Variants in AGBL1 observed in about 807,000 individuals in gnomAD.
AGBL1 encodes the protein AGBL carboxypeptidase 1.
Under a neutral mutation model 118.9 loss-of-function variants are expected in AGBL1, and 130 were observed. The ratio of observed to expected loss-of-function variants is 1.09; its 90% CI spans 0.95 to 1.26. AGBL1 has a LOEUF of 1.26. Among genes scored for constraint, AGBL1 ranks in the 50% most tolerant of loss-of-function variants. The pLI, the probability that AGBL1 is intolerant of heterozygous loss-of-function variation, is 0.00. For synonymous variants in AGBL1, 555 were observed against 478.9 expected, an observed-to-expected ratio of 1.16 and a Z score of -2.08; for missense variants, 1,584 against 1,298.1, an observed-to-expected ratio of 1.22 and a Z score of -3.38.
chr15:86,226,874 A>G (rs1182442139), intron 6 of AGBL1, among the ~76,000 whole-genome samples: 1 of 152,182 alleles, frequency 6.6e-6, no homozygotes, highest in African/African-American at 2.4e-5. Flanking sequence ...ACTTGATTAC[A>G]TTGTGATGAA....
chr15:86,566,931 A>G (rs996280296), intron 21 of AGBL1, among the ~76,000 whole-genome samples: 58 of 152,220 alleles, frequency 3.8e-4, no homozygotes, highest in African/African-American at 1.2e-3. Context: ...CCTGACTTTT[A>G]TGAGCTTTAG....
At chr15:86,874,063 C>T (rs557274115) in intron 22 of AGBL1, among the ~76,000 whole-genome samples, 8 of 152,202 alleles carry the variant, frequency 5.3e-5, no homozygotes, top group Non-Finnish European at 1.2e-4. Context: ...AACCACCTGA[C>T]ACATATGAGG....
At chr15:86,739,120 T>G (rs1274493714) in intron 22 of AGBL1, among the ~76,000 whole-genome samples, 1 of 152,126 alleles carries the variant, frequency 6.6e-6, no homozygotes, top group East Asian at 1.9e-4. Context: ...CATTCCAGTC[T>G]GGGTGACAGA....
chr15:86,318,325 A>G (rs545848083), intron 17 of AGBL1, among the ~76,000 whole-genome samples: 165 of 152,284 alleles, frequency 1.1e-3, no homozygotes, highest in East Asian at 2.9e-3. Flanking sequence ...CCCAGGTCTC[A>G]TTATCCTTCT....
chr15:86,247,947 G>C, intron 7 of AGBL1, 68 bp downstream of exon 7: 1 of 1,553,978 alleles, frequency 6.4e-7, no homozygotes, highest in African/African-American at 1.4e-5. Context: ...CTGTCATTTA[G>C]GAATCATCCC....
chr15:86,991,930 T>C (rs568464576), intron 24 of AGBL1, among the ~76,000 whole-genome samples: 3 of 152,302 alleles, frequency 2.0e-5, no homozygotes, highest in Admixed American at 1.3e-4. Flanking sequence ...ATCTTCCCTA[T>C]ACCAGGTACA....
At chr15:86,505,263 G>A (rs563908257) in intron 18 of AGBL1, among the ~76,000 whole-genome samples, 93 of 151,964 alleles carry the variant, frequency 6.1e-4, no homozygotes, top group African/African-American at 2.2e-3. Context: ...AGTTTGATGA[G>A]ATTTTTGGAT....
At chr15:86,405,198 G>T (rs1567239764) in intron 18 of AGBL1, among the ~76,000 whole-genome samples, 1 of 152,156 alleles carries the variant, frequency 6.6e-6, no homozygotes, top group Non-Finnish European at 1.5e-5. Flanking sequence ...TTTCAGCTAT[G>T]CTACTGGGCT....
intron 1 of AGBL1, among the ~76,000 whole-genome samples, chr15:86,098,353 T>C (rs1190464161): frequency 6.6e-6 from 1 of 152,222 alleles, no homozygotes; most frequent in Admixed American, 6.5e-5. Flanking sequence ...TTGTTGCCTG[T>C]GCTTTTGAGG....
At chr15:86,145,871 G>A (rs2077026773) in intron 3 of AGBL1, among the ~76,000 whole-genome samples, 1 of 152,204 alleles carries the variant, frequency 6.6e-6, no homozygotes, top group Non-Finnish European at 1.5e-5. Flanking sequence ...AGACTATGAT[G>A]AGGGCTGTAA....
At chr15:86,655,037 G>T (rs2085440616) in intron 21 of AGBL1, among the ~76,000 whole-genome samples, 3 of 152,118 alleles carry the variant, frequency 2.0e-5, no homozygotes, top group South Asian at 4.1e-4. Flanking sequence ...CTCACAGCTT[G>T]CCAGAAAAGG....
At chr15:86,799,252 T>A (rs905065723) in intron 22 of AGBL1, among the ~76,000 whole-genome samples, 13 of 152,188 alleles carry the variant, frequency 8.5e-5, no homozygotes, top group African/African-American at 3.1e-4. Context: ...TATGTATACA[T>A]GTGCCATGCT....
intron 18 of AGBL1, among the ~76,000 whole-genome samples, chr15:86,514,162 AT>A (rs1277344489): frequency 3.6e-5 from 5 of 140,206 alleles, no homozygotes; most frequent in African/African-American, 1.1e-4. Context: ...ACACACACAC[AT>A]ACACATCTAT....
downstream of AGBL1, among the ~76,000 whole-genome samples, chr15:86,918,218 T>C (rs909417509): frequency 1.3e-5 from 2 of 152,182 alleles, no homozygotes; most frequent in Non-Finnish European, 2.9e-5. Context: ...ACAAAACCCC[T>C]TTGAGGTAAA....
At chr15:86,269,603 T>C (rs2079124813) in intron 13 of AGBL1, among the ~76,000 whole-genome samples, 1 of 152,212 alleles carries the variant, frequency 6.6e-6, no homozygotes, top group African/African-American at 2.4e-5. Context: ...ACACATTGTA[T>C]TATTGTATCA....
intron 22 of AGBL1, among the ~76,000 whole-genome samples, chr15:86,765,910 G>C (rs563184622): frequency 1.3e-5 from 2 of 152,058 alleles, no homozygotes; most frequent in Non-Finnish European, 2.9e-5. Flanking sequence ...GTCTAAAAGA[G>C]GGAGAGCTGA....
chr15:86,827,483 ATGTGTG>A (rs373353099), intron 22 of AGBL1, among the ~76,000 whole-genome samples: 120 of 4,744 alleles, frequency 0.025, 16 homozygotes, highest in East Asian at 0.095. Flanking sequence ...ATATATATAT[ATGTGTG>A]TATATATATA....
chr15:86,192,404 TC>T (rs1227898004), intron 5 of AGBL1, among the ~76,000 whole-genome samples: 1 of 151,578 alleles, frequency 6.6e-6, no homozygotes, highest in Non-Finnish European at 1.5e-5. Flanking sequence ...AAAACATGAA[TC>T]CAATAATGCA....
chr15:86,728,327 A>C (rs2086849565), intron 22 of AGBL1, among the ~76,000 whole-genome samples: 1 of 152,206 alleles, frequency 6.6e-6, no homozygotes, highest in African/African-American at 2.4e-5. Flanking sequence ...AGAGTTGACA[A>C]AATGAGTTCC....
Sources: allele counts gnomAD v4.1 joint callset (sites outside exome capture counted in the v4.1 genomes callset), GRCh38; gene constraint gnomAD v4.1.1; transcripts MANE v1.5; gene names NCBI Gene and HGNC (gene_info 2026-07-23, HGNC 2026-07-21).